The following AGMO variants were observed in gnomAD, a reference collection of about 807,000 sequenced individuals.
The protein encoded by AGMO is glyceryl-ether monooxygenase.
Under a neutral mutation model 60.2 loss-of-function variants are expected in AGMO, and 75 were observed. The ratio of observed to expected loss-of-function variants is 1.25; its 90% confidence interval spans 1.03 to 1.51. The LOEUF (loss-of-function observed/expected upper bound fraction) is 1.51. AGMO is among the 40% of genes most tolerant of loss of function. The pLI, the probability that AGMO is intolerant of heterozygous loss-of-function variation, is 0.00. For synonymous variants in AGMO, 261 were observed against 177.1 expected (o/e 1.47, Z -3.76); for missense variants, 763 against 525.5 (o/e 1.45, Z -4.42).
chr7:15,431,862 T>G (rs554771475), intron 3 of AGMO, among the ~76,000 whole-genome samples: 2 of 151,880 alleles, frequency 1.3e-5, no homozygotes, highest in African/African-American at 2.4e-5. Context: ...TCCAAAGAAG[T>G]GTGGTTTTTA....
At chr7:15,392,564 G>C (rs958451846) in intron 6 of AGMO, among the ~76,000 whole-genome samples, 32 of 152,074 alleles carry the variant, frequency 2.1e-4, no homozygotes, top group African/African-American at 7.2e-4. Context: ...ACTTTGGGAG[G>C]CCAAGGAGGA....
chr7:15,478,016 G>C (rs1174547958), intron 3 of AGMO, among the ~76,000 whole-genome samples: 2 of 152,084 alleles, frequency 1.3e-5, no homozygotes, highest in Admixed American at 6.6e-5. Context: ...CCTTTCTCCT[G>C]TGTATATTGA....
the AGMO span, among the ~76,000 whole-genome samples, chr7:15,117,995 T>C: frequency 6.6e-6 from 1 of 152,022 alleles, no homozygotes; most frequent in African/African-American, 2.4e-5. Context: ...AGACATGAAA[T>C]GAATGCTTTT....
chr7:15,345,123 A>T (rs1249984372), intron 12 of AGMO, among the ~76,000 whole-genome samples: 1 of 152,188 alleles, frequency 6.6e-6, no homozygotes, highest in Non-Finnish European at 1.5e-5. Context: ...TGCAAATCTA[A>T]TCAAATGGTT....
the AGMO span, among the ~76,000 whole-genome samples, chr7:15,186,547 A>C: frequency 4.6e-5 from 7 of 152,070 alleles, no homozygotes; most frequent in Non-Finnish European, 8.8e-5. Context: ...AAACCACCCA[A>C]CTTAGGCTCT....
rs529067417 is a variant in AGMO at position 15,247,874 on chromosome 7, A to T, written c.1264-46515T>A. On this transcript the variant is annotated intron_variant, in intron 12 of 12. Transcript: ENST00000342526. ...GAGGCAGAGATCCAAATGACAACTCAAAAGGCTCTCTGATAGAAGAGTGCA... is the reference window on the plus strand; with the variant it reads ...GAGGCAGAGATCCAAATGACAACTCTAAAGGCTCTCTGATAGAAGAGTGCA... Among the ~76,000 whole-genome samples, 22 of 152,028 alleles carry T rather than the reference A, an allele frequency of 1.4e-4. 1 individual carries two copies. The highest frequency in any genetic ancestry group is 4.8e-4 in the African/African-American group (20 of 41,522).
intron 12 of AGMO, among the ~76,000 whole-genome samples, chr7:15,253,865 C>A (rs1370796427): frequency 6.6e-6 from 1 of 152,086 alleles, no homozygotes; most frequent in Non-Finnish European, 1.5e-5. Flanking sequence ...GTCTATTCTC[C>A]CAATTCTCTG....
At chr7:15,368,803 T>C (rs1410523192) in intron 10 of AGMO, among the ~76,000 whole-genome samples, 1 of 152,116 alleles carries the variant, frequency 6.6e-6, no homozygotes, top group Non-Finnish European at 1.5e-5. Context: ...TTACTTTGGT[T>C]AGGAAATCTA....
intron 12 of AGMO, among the ~76,000 whole-genome samples, chr7:15,204,464 A>C (rs1210124087): frequency 1.3e-5 from 2 of 152,088 alleles, no homozygotes; most frequent in Non-Finnish European, 2.9e-5. Flanking sequence ...TAGACTTCTT[A>C]TTTTGCAATA....
intron 3 of AGMO, among the ~76,000 whole-genome samples, chr7:15,449,865 T>A (rs1007835638): frequency 3.3e-5 from 5 of 152,160 alleles, no homozygotes; most frequent in South Asian, 2.1e-4. Flanking sequence ...CTTAATAATG[T>A]CCCACTTAAA....
At chr7:15,430,602 T>C (rs934790543) in intron 4 of AGMO, among the ~76,000 whole-genome samples, 2 of 138,782 alleles carry the variant, frequency 1.4e-5, no homozygotes, top group Non-Finnish European at 3.2e-5. Flanking sequence ...GTTGTTTTTT[T>C]TAAAAAAAAA....
At chr7:15,215,353 T>C (rs1296002333) in intron 12 of AGMO, among the ~76,000 whole-genome samples, 2 of 151,962 alleles carry the variant, frequency 1.3e-5, no homozygotes, top group Admixed American at 1.3e-4. Flanking sequence ...TTTATTTTTC[T>C]TTTTTTTCCT....
intron 3 of AGMO, among the ~76,000 whole-genome samples, chr7:15,478,330 G>C (rs910441724): frequency 6.6e-6 from 1 of 152,046 alleles, no homozygotes; most frequent in South Asian, 2.1e-4. Flanking sequence ...GAAACTAAAG[G>C]CTAAAGCTTG....
At chr7:15,393,263 C>A (rs1784223778) in intron 6 of AGMO, among the ~76,000 whole-genome samples, 1 of 152,210 alleles carries the variant, frequency 6.6e-6, no homozygotes, top group Non-Finnish European at 1.5e-5. Flanking sequence ...CTTGGAAAGG[C>A]AGGGCTTCAG....
chr7:15,490,974 T>G (rs1783051697), intron 3 of AGMO, among the ~76,000 whole-genome samples: 2 of 152,190 alleles, frequency 1.3e-5, no homozygotes, highest in South Asian at 4.1e-4. Flanking sequence ...TTGTTAATAA[T>G]GTCCTCTATC....
intron 10 of AGMO, among the ~76,000 whole-genome samples, chr7:15,371,272 G>A (rs1190119478): frequency 6.6e-6 from 1 of 152,048 alleles, no homozygotes; most frequent in Non-Finnish European, 1.5e-5. Flanking sequence ...CAGGTTTGTA[G>A]TGTAATGGCA....
intron 12 of AGMO, among the ~76,000 whole-genome samples, chr7:15,330,749 G>A (rs1427527762): frequency 6.6e-6 from 1 of 152,004 alleles, no homozygotes; most frequent in African/African-American, 2.4e-5. Context: ...CTGTATGCAG[G>A]TCTGGGCTTG....
At chr7:15,186,218 G>T in the AGMO span, among the ~76,000 whole-genome samples, 14 of 152,218 alleles carry the variant, frequency 9.2e-5, no homozygotes, top group Non-Finnish European at 1.5e-4. Context: ...GTTCCAGAGA[G>T]CATTTGGCTT....
downstream of AGMO, among the ~76,000 whole-genome samples, chr7:15,198,576 T>C (rs1401857924): frequency 2.6e-5 from 4 of 152,172 alleles, no homozygotes; most frequent in Admixed American, 6.6e-5. Context: ...GCCAGCTGAA[T>C]AGGAGACTGG....
Sources: gnomAD v4.1 joint callset for allele counts (sites outside exome capture counted in the v4.1 genomes callset) on GRCh38, gnomAD v4.1.1 for gene constraint, MANE v1.5 for transcripts, NCBI Gene and HGNC (gene_info 2026-07-23, HGNC 2026-07-21) for gene names.